SYNE1: variants seen among roughly 807,000 people sequenced by gnomAD.
SYNE1 encodes the protein nesprin-1.
In SYNE1, 616 loss-of-function variants were observed where a neutral mutation model predicts 1,111.0. The ratio of observed to expected loss-of-function variants is 0.55; its 90% confidence interval spans 0.52 to 0.59. The LOEUF is 0.59. Ranked by LOEUF, SYNE1 falls within the 20% of genes least tolerant of loss-of-function variation. The pLI, the probability that SYNE1 is intolerant of heterozygous loss-of-function variation, is 0.00. For synonymous variants in SYNE1, 3,855 were observed against 3,825.8 expected, an observed-to-expected ratio of 1.01 and a Z score of -0.28; for missense variants, 10,006 against 10,417.0, an observed-to-expected ratio of 0.96 and a Z score of 1.72.
At chr6:152,632,183 A>G (rs147866797) in intron 2 of SYNE1, among the ~76,000 whole-genome samples, 3,020 of 152,260 alleles carry the variant, frequency 0.02, 105 homozygotes, top group African/African-American at 0.07. Context: ...AATCTCATTC[A>G]TTGACACCAA....
intron 130 of SYNE1, among the ~76,000 whole-genome samples, chr6:152,170,622 T>A (rs530678414): frequency 1.1e-4 from 16 of 152,304 alleles, no homozygotes; most frequent in African/African-American, 3.1e-4. Context: ...GAATTTCATT[T>A]CCTTTGACCT....
intron 121 of SYNE1, 81 bp from the exon 122 acceptor site, chr6:152,215,141 A>G (rs2078322299): frequency 6.6e-7 from 1 of 1,525,664 alleles, no homozygotes; most frequent in Non-Finnish European, 9.0e-7. Flanking sequence ...TGAATTTCTG[A>G]TTTCAGGAAG....
chr6:152,289,904 G>C (rs1324296622), intron 95 of SYNE1, among the ~76,000 whole-genome samples: 10 of 150,164 alleles, frequency 6.7e-5, no homozygotes, highest in Admixed American at 1.3e-4. Flanking sequence ...GGGATTACAG[G>C]CATGAGCTAC....
chr6:152,183,566 A>G (rs1253398224), intron 128 of SYNE1, among the ~76,000 whole-genome samples: 1 of 152,140 alleles, frequency 6.6e-6, no homozygotes, highest in Non-Finnish European at 1.5e-5. Context: ...ACACCACTGC[A>G]CTACAGCCTG....
At chr6:152,367,766 A>G (rs1015779675) in intron 61 of SYNE1, 14 of 194,644 alleles carry the variant, frequency 7.2e-5, no homozygotes, top group Non-Finnish European at 1.5e-4. Flanking sequence ...CCAGAGTTCT[A>G]AAAAAAAAAT....
chr6:152,399,340 A>G (rs2097778383), intron 48 of SYNE1, among the ~76,000 whole-genome samples: 1 of 152,238 alleles, frequency 6.6e-6, no homozygotes, highest in Non-Finnish European at 1.5e-5. Flanking sequence ...TTCCACACAC[A>G]TGAGCTATAT....
chr6:152,390,266 A>G lies in SYNE1; in HGVS notation c.8177+14T>C. ...GCATTGGACTTAAACAAACTCTAAA[A>G]ATAGGTTCTGTACCTTTGAGCGTGG... On this transcript the variant is annotated intron_variant, in intron 53 of 145. Coordinates refer to ENST00000367255, the MANE Select transcript of SYNE1 (RefSeq NM_182961.4). 1 of 1,613,800 alleles carries G rather than the reference A, an allele frequency of 6.2e-7. No homozygotes were observed. The highest frequency in any genetic ancestry group is 8.5e-7 in the Non-Finnish European group (1 of 1,179,944).
intron 33 of SYNE1, chr6:152,435,667 C>T: frequency 4.0e-6 from 2 of 499,896 alleles, no homozygotes; most frequent in South Asian, 7.6e-5. Flanking sequence ...CTACAATGTA[C>T]AAAGGCCACA....
chr6:152,308,748 G>T (rs199825087), intron 90 of SYNE1, 116 bp from the exon 91 acceptor site: 23 of 1,144,736 alleles, frequency 2.0e-5, no homozygotes, highest in Non-Finnish European at 2.7e-5. Flanking sequence ...ATAAAGAAAT[G>T]ATGGGTAAAA....
rs369246136 is a variant in SYNE1 at position 152,208,070 on chromosome 6, G to A, written c.22726C>T (p.Arg7576Cys). Residue 7576 changes from arginine (R) to cysteine (C), a missense_variant, in exon 125 of 146, where the codon CGT becomes TGT. By Grantham distance (180) the Arg-to-Cys change is radical. Coordinates refer to ENST00000367255, the MANE Select transcript of SYNE1 (RefSeq NM_182961.4). Reference sequence around the variant, plus strand: ...TAGGACACTTCAACCAACCATTTACGAAGCTTTTCTGCCATCTCCCTATAG... The same window carrying A: ...TAGGACACTTCAACCAACCATTTACAAAGCTTTTCTGCCATCTCCCTATAG... ...QRYREMAEKL[R>C]KWLVEVSYLP... 9.9e-6 allele frequency: 16 copies of A among 1,613,920 alleles called. No individual in the cohort carries two copies. Among genetic ancestry groups the A allele is most frequent in the South Asian group, 3.3e-5 (3 of 91,078 alleles).
At position 152,152,121 on chromosome 6, in the gene SYNE1, G is replaced by A. The variant is rs140259310; in HGVS notation, c.24150C>T (p.His8050=). The A allele has an allele frequency of 1.6e-4, 255 of 1,614,120 alleles. No homozygotes were observed. Among genetic ancestry groups the A allele is most frequent in the Non-Finnish European group, 1.9e-4 (226 of 1,180,032 alleles). Residue 8050 remains histidine, a synonymous_variant, in exon 134 of 146, where the codon CAC becomes CAT. Transcript: ENST00000367255. ...KKFEAFQRQV[H]ECLTQLELIN... Reference sequence around the variant, plus strand: ...TCAGTTCCAGCTGCGTCAGGCACTCGTGGACCTGTCGCTGGAAAGCCTAAG... The same window carrying A: ...TCAGTTCCAGCTGCGTCAGGCACTCATGGACCTGTCGCTGGAAAGCCTAAG...
chr6:152,450,429 A>G (rs924919710), intron 27 of SYNE1, among the ~76,000 whole-genome samples, 196 bp downstream of exon 27: 1 of 152,250 alleles, frequency 6.6e-6, no homozygotes, highest in Non-Finnish European at 1.5e-5. Context: ...TCAAAGAGAT[A>G]ACATCTGGGT....
intron 22 of SYNE1, among the ~76,000 whole-genome samples, chr6:152,457,337 G>T (rs2098702772): frequency 6.6e-6 from 1 of 152,124 alleles, no homozygotes; most frequent in African/African-American, 2.4e-5. Flanking sequence ...TTAGATCTAA[G>T]ATCTGAATAT....
rs186499189 is a variant in SYNE1, at chr6:152,221,018, C to T, written c.21685G>A (p.Glu7229Lys). The T allele has an allele frequency of 3.1e-6, 5 of 1,614,112 alleles. No individual in the cohort carries two copies. The Admixed American group carries it at 8.3e-5, about 27-fold the overall frequency. The change falls in exon 119 of 146, where the codon GAG (glutamate) becomes AAG (lysine). Residue 7229 changes from glutamate (E) to lysine (K), a missense_variant. By Grantham distance (56) the Glu-to-Lys change is moderately conservative. Transcript: ENST00000367255. Reference protein sequence around the residue: ...RWNNLLEEIAEQLQSSKALLQ... With the variant: ...RWNNLLEEIAKQLQSSKALLQ... ...AGGGCCTTGCTGGACTGTAGCTGCT[C>T]AGCAATCTCTTCCAGCAAGTTATTC...
At position 152,206,246 on chromosome 6, in the gene SYNE1, G is replaced by A. The variant is rs747134735; in HGVS notation, c.22941C>T (p.Leu7647=). 28 of 1,613,636 alleles carry A rather than the reference G, an allele frequency of 1.7e-5. No individual in the cohort carries two copies. In the Admixed American group the frequency reaches 1.8e-4, roughly 11 times the overall value. ...SGAEAALQAE[L]AEIQEKWKSA... ...ATTTCCATTTCTCTTGGATTTCAGC[G>A]AGTTCGGCCTGCAAGGCGGCCTCAG... Residue 7647 remains leucine, a synonymous_variant, in exon 126 of 146, where the codon CTC becomes CTT. Coordinates refer to ENST00000367255, the MANE Select transcript of SYNE1 (RefSeq NM_182961.4).
chr6:152,332,219 C>T (rs1048063835), intron 77 of SYNE1, among the ~76,000 whole-genome samples: 1 of 152,202 alleles, frequency 6.6e-6, no homozygotes, highest in Non-Finnish European at 1.5e-5. Flanking sequence ...GGTGATCCAC[C>T]TGCCTCAGCC....
rs2623962 is a variant in SYNE1, at chr6:152,591,967, G to A, written c.67+36298C>T. Among the ~76,000 whole-genome samples the A allele has an allele frequency of 2.6e-3, 394 of 152,158 alleles. 2 individuals carry two copies. Among genetic ancestry groups the A allele is most frequent in the Non-Finnish European group, 4.6e-3 (314 of 67,994 alleles). On this transcript the variant is annotated intron_variant, in intron 3 of 145. Coordinates refer to ENST00000367255, the MANE Select transcript of SYNE1 (RefSeq NM_182961.4). ...GAAAAATGCAAATCAAAAGCATAAT[G>A]AGATACCATCTCACACTAGTCAGAA...
intron 3 of SYNE1, among the ~76,000 whole-genome samples, chr6:152,574,051 A>C (rs9479346): frequency 0.26 from 40,166 of 151,716 alleles, 6,993 homozygotes; most frequent in African/African-American, 0.49. Flanking sequence ...AAACAAATTA[A>C]ATGAAGTCCC....
intron 4 of SYNE1, among the ~76,000 whole-genome samples, chr6:152,533,799 C>T (rs1390837849): frequency 2.0e-5 from 3 of 152,108 alleles, no homozygotes; most frequent in Admixed American, 2.0e-4. Flanking sequence ...TTTTCAGCAC[C>T]TAGAATATTC....
Sources: allele counts gnomAD v4.1 joint callset (sites outside exome capture counted in the v4.1 genomes callset), GRCh38; gene constraint gnomAD v4.1.1; transcripts MANE v1.5; gene names NCBI Gene and HGNC (gene_info 2026-07-23, HGNC 2026-07-21).